The following STK3 variants were observed in gnomAD, a reference collection of about 807,000 sequenced individuals.
STK3 encodes serine/threonine kinase 3, also known as serine/threonine-protein kinase 3.
In STK3, 41 loss-of-function variants were observed where a neutral mutation model predicts 58.0. That is an observed-to-expected ratio of 0.71 (90% CI 0.55 to 0.92). The LOEUF (loss-of-function observed/expected upper bound fraction) is 0.92. Among genes scored for constraint, STK3 ranks in the 40% least tolerant of loss-of-function variants. The probability of loss-of-function intolerance (pLI) is 0.00; values close to 1 mark genes in which losing one functional copy is unlikely to be tolerated. For synonymous variants in STK3, 170 were observed against 191.0 expected (o/e 0.89, Z 0.91); for missense variants, 479 against 602.7 (o/e 0.79, Z 2.15).
upstream of STK3, among the ~76,000 whole-genome samples, chr8:98,825,894 T>C (rs1327798866): frequency 1.4e-4 from 3 of 21,184 alleles, no homozygotes; most frequent in Admixed American, 9.8e-4. Flanking sequence ...GCCGCCAGCC[T>C]GCGGCGGCGG....
At chr8:98,708,994 T>C (rs1826183012) in intron 4 of STK3, among the ~76,000 whole-genome samples, 2 of 151,904 alleles carry the variant, frequency 1.3e-5, no homozygotes, top group South Asian at 4.2e-4. Context: ...AATTTCTGCC[T>C]GACCCCTGAC....
chr8:98,400,297 T>C (rs1362777303), downstream of STK3, among the ~76,000 whole-genome samples: 1 of 152,184 alleles, frequency 6.6e-6, no homozygotes, highest in Non-Finnish European at 1.5e-5. Context: ...CCTGGACTCA[T>C]TTATTGAAGC....
intron 6 of STK3, among the ~76,000 whole-genome samples, chr8:98,604,471 G>C (rs1391289806): frequency 6.6e-6 from 1 of 152,162 alleles, no homozygotes; most frequent in African/African-American, 2.4e-5. Context: ...GAGGGGTCTG[G>C]AGGATGGTGG....
At chr8:98,478,492 C>T (rs1443597238) in intron 10 of STK3, among the ~76,000 whole-genome samples, 1 of 152,174 alleles carries the variant, frequency 6.6e-6, no homozygotes, top group Non-Finnish European at 1.5e-5. Context: ...AGCCAGATGC[C>T]TGGAGTTCTC....
intron 1 of STK3, 94 bp downstream of exon 1, chr8:98,825,421 G>T: frequency 8.5e-7 from 1 of 1,182,722 alleles, no homozygotes; most frequent in South Asian, 2.3e-5. Context: ...CCCGGCGGGC[G>T]GGGAGAGGCT....
At position 98,428,405 on chromosome 8, in the gene STK3, G is replaced by A; in HGVS notation, n.483+5722C>T. 1 of 1,614,180 alleles carries A rather than the reference G, an allele frequency of 6.2e-7. No homozygotes were observed. On this transcript the variant is annotated intron_variant and non_coding_transcript_variant, in intron 3 of 3. Transcript: ENST00000517832. The surrounding 1 kb of genome is among the most constrained non-coding windows in gnomAD (Gnocchi z 6.7). ...AGTGGGACGAGCAGAGTGACCAGGA[G>A]AGCACCACGTCTTCCTTCGATGAGA...
intron 6 of STK3, among the ~76,000 whole-genome samples, chr8:98,635,265 T>C (rs936673143): frequency 3.9e-5 from 6 of 152,322 alleles, no homozygotes; most frequent in Admixed American, 3.9e-4. Flanking sequence ...TGTTATCATA[T>C]GTTGTAATTA....
At chr8:98,611,242 T>C (rs1202333939) in intron 6 of STK3, among the ~76,000 whole-genome samples, 1 of 151,734 alleles carries the variant, frequency 6.6e-6, no homozygotes, top group Non-Finnish European at 1.5e-5. Flanking sequence ...AAATCTATAA[T>C]AGAAGTCAAT....
intron 4 of STK3, among the ~76,000 whole-genome samples, chr8:98,746,849 G>A (rs558366034): frequency 1.3e-5 from 2 of 151,894 alleles, no homozygotes; most frequent in East Asian, 3.9e-4. Flanking sequence ...ACCAGCCTGG[G>A]CAATATAGCC....
At chr8:98,848,172 A>T (rs953922274) in intron 3 of STK3, among the ~76,000 whole-genome samples, 2 of 151,882 alleles carry the variant, frequency 1.3e-5, no homozygotes, top group African/African-American at 4.8e-5. Context: ...CATTTTTATC[A>T]CTCCAAAGAA....
chr8:98,506,070 G>A (rs576249862), intron 10 of STK3, among the ~76,000 whole-genome samples: 108 of 152,336 alleles, frequency 7.1e-4, no homozygotes, highest in African/African-American at 2.5e-3. Context: ...GAGCTTCCCA[G>A]GCTGCTTTGT....
At chr8:98,642,425 G>A (rs1022809097) in intron 6 of STK3, among the ~76,000 whole-genome samples, 2 of 152,260 alleles carry the variant, frequency 1.3e-5, no homozygotes, top group South Asian at 2.1e-4. Context: ...CAGCAGGAGA[G>A]GCACTGTGTA....
At chr8:98,570,714 G>A (rs546031629) in intron 8 of STK3, among the ~76,000 whole-genome samples, 2 of 152,226 alleles carry the variant, frequency 1.3e-5, no homozygotes, top group African/African-American at 4.8e-5. Context: ...GATGGTATAA[G>A]TAGTGGCATT....
At chr8:98,479,262 GC>G (rs1821632166) in intron 10 of STK3, among the ~76,000 whole-genome samples, 1 of 152,132 alleles carries the variant, frequency 6.6e-6, no homozygotes, top group Admixed American at 6.5e-5. Flanking sequence ...CCAAGGTGGG[GC>G]GGATCATGAG....
intron 6 of STK3, chr8:98,651,596 A>C (rs931771151): frequency 4.6e-5 from 7 of 152,554 alleles, no homozygotes; most frequent in African/African-American, 1.4e-4. Context: ...ACTTTCAAAA[A>C]AATTTAGACG....
intron 4 of STK3, among the ~76,000 whole-genome samples, chr8:98,714,269 G>T (rs1197788595): frequency 1.3e-5 from 2 of 152,220 alleles, no homozygotes. Context: ...AGTGTTGAAA[G>T]TTCTGGTCAG....
At chr8:98,471,184 C>T (rs1358750283) in intron 10 of STK3, among the ~76,000 whole-genome samples, 1 of 152,036 alleles carries the variant, frequency 6.6e-6, no homozygotes, top group Non-Finnish European at 1.5e-5. Flanking sequence ...AACATGAAGT[C>T]ACTGAGCTCT....
At chr8:98,526,670 A>C in intron 10 of STK3, 72 bp downstream of exon 10, 1 of 1,316,704 alleles carries the variant, frequency 7.6e-7, no homozygotes, top group Non-Finnish European at 1.0e-6. Flanking sequence ...TATACATATG[A>C]ACTATGCTTC....
At chr8:98,738,894 T>A (rs559572875) in intron 4 of STK3, among the ~76,000 whole-genome samples, 2 of 152,364 alleles carry the variant, frequency 1.3e-5, no homozygotes, top group South Asian at 2.1e-4. Flanking sequence ...ACCCGAATAC[T>A]GCGCTTTTCC....
Sources: allele counts gnomAD v4.1 joint callset (sites outside exome capture counted in the v4.1 genomes callset), GRCh38; gene constraint gnomAD v4.1.1; non-coding constraint Gnocchi (gnomAD v3.1); transcripts MANE v1.5; gene names NCBI Gene and HGNC (gene_info 2026-07-23, HGNC 2026-07-21).